TOGARAM2: variants seen among roughly 807,000 people sequenced by gnomAD.
TOGARAM2 encodes the protein TOG array regulator of axonemal microtubules 2.
TOGARAM2 carries 85 observed loss-of-function variants against 93.3 expected under a neutral mutation model. The ratio of observed to expected loss-of-function variants is 0.91; its 90% CI spans 0.76 to 1.09. The LOEUF is 1.09. Ranked by LOEUF, TOGARAM2 falls within the 50% of genes least tolerant of loss-of-function variation. The pLI is 0.00. For synonymous variants in TOGARAM2, 593 were observed against 552.8 expected, an observed-to-expected ratio of 1.07 and a Z score of -1.02; for missense variants, 1,277 against 1,334.5, an observed-to-expected ratio of 0.96 and a Z score of 0.67.
rs537934904 is a variant in TOGARAM2, at chr2:29,017,402, A to T, written c.1195+98A>T. ...GCCCATTTTCTTTTTTAAAATTTTT[A>T]TTAGTATTTATGTATTTATTTAGAG... On this transcript the variant is annotated intron_variant, in intron 9 of 19. Transcript: ENST00000379558. 8.7e-5 allele frequency: 105 copies of T among 1,200,956 alleles called. No homozygotes were observed. The African/African-American group carries it at 1.6e-3, about 18-fold the overall frequency. 74.4% of individuals were successfully genotyped at this position (1,200,956 alleles called of 1,614,324 possible). A position where few individuals can be genotyped will look rare whatever the true frequency, so the allele number is the denominator to read the frequency against.
chr2:29,035,314 T>G, intron 16 of TOGARAM2, 150 bp from the exon 17 acceptor site: 2 of 563,786 alleles, frequency 3.5e-6, no homozygotes, highest in Non-Finnish European at 5.3e-6. Context: ...CAACAAGCTG[T>G]AGGTGGAGGG....
chr2:29,011,865 T>C (rs1210109119), intron 7 of TOGARAM2, among the ~76,000 whole-genome samples: 1 of 152,180 alleles, frequency 6.6e-6, no homozygotes, highest in Admixed American at 6.5e-5. Context: ...CTGAGCCCCA[T>C]CAGGCTTGCA....
intron 14 of TOGARAM2, among the ~76,000 whole-genome samples, chr2:29,027,576 T>C (rs1226007923): frequency 1.3e-5 from 2 of 149,044 alleles, no homozygotes; most frequent in Non-Finnish European, 3.0e-5. Flanking sequence ...CTGGGCAACA[T>C]AGTAAGATCC....
At chr2:28,958,052 T>A (rs944819074) in intron 1 of TOGARAM2, among the ~76,000 whole-genome samples, 1 of 152,168 alleles carries the variant, frequency 6.6e-6, no homozygotes, top group African/African-American at 2.4e-5. Flanking sequence ...GCCAGGGATT[T>A]AAATGATTTT....
At chr2:28,996,504 G>A (rs1413368495) in intron 2 of TOGARAM2, among the ~76,000 whole-genome samples, 2 of 151,968 alleles carry the variant, frequency 1.3e-5, no homozygotes. Context: ...TTGTCTCTCT[G>A]TGCCTGGCTT....
At chr2:28,968,832 A>C (rs1276425786) in intron 1 of TOGARAM2, among the ~76,000 whole-genome samples, 1 of 133,204 alleles carries the variant, frequency 7.5e-6, no homozygotes, top group Non-Finnish European at 1.7e-5. Context: ...AAAAAAAAAA[A>C]AAAAAAAACA....
chr2:29,021,909 G>A (rs999926794), intron 10 of TOGARAM2, among the ~76,000 whole-genome samples: 2 of 152,198 alleles, frequency 1.3e-5, no homozygotes, highest in African/African-American at 2.4e-5. Flanking sequence ...TATAAGAATC[G>A]CATTGGCAAG....
At chr2:29,041,323 C>T (rs2148389281) in intron 18 of TOGARAM2, among the ~76,000 whole-genome samples, 1 of 152,290 alleles carries the variant, frequency 6.6e-6, no homozygotes, top group African/African-American at 2.4e-5. Context: ...TGCGCCCGGC[C>T]TTGAGTCACT....
At chr2:28,972,777 C>G in intron 1 of TOGARAM2, among the ~76,000 whole-genome samples, 1 of 152,062 alleles carries the variant, frequency 6.6e-6, no homozygotes, top group South Asian at 2.1e-4. Context: ...TTCCAGGGTC[C>G]CTGAGCTAGA....
upstream of TOGARAM2, among the ~76,000 whole-genome samples, chr2:28,980,123 C>T (rs1672121164): frequency 6.6e-6 from 1 of 152,224 alleles, no homozygotes; most frequent in African/African-American, 2.4e-5. Flanking sequence ...TGGGCCTCTG[C>T]TACAGGGAGT....
chr2:28,970,186 A>G (rs949977354), intron 1 of TOGARAM2, among the ~76,000 whole-genome samples: 1 of 152,126 alleles, frequency 6.6e-6, no homozygotes, highest in Non-Finnish European at 1.5e-5. Context: ...TATTTTTGAG[A>G]TGAGAAAATG....
At chr2:29,016,100 C>G (rs187664406) in intron 8 of TOGARAM2, among the ~76,000 whole-genome samples, 26 of 152,320 alleles carry the variant, frequency 1.7e-4, no homozygotes, top group African/African-American at 6.0e-4. Flanking sequence ...TGAATGCTCA[C>G]CTCAGAAAAC....
intron 10 of TOGARAM2, 25 bp downstream of exon 10, chr2:29,017,981 C>T (rs577007259): frequency 6.4e-7 from 1 of 1,570,544 alleles, no homozygotes; most frequent in South Asian, 1.2e-5. Context: ...CTGGCAGGCA[C>T]ACGTGTCCCT....
intron 1 of TOGARAM2, among the ~76,000 whole-genome samples, chr2:28,990,501 C>A (rs182235058): frequency 2.6e-5 from 4 of 152,220 alleles, no homozygotes; most frequent in Admixed American, 6.5e-5. Flanking sequence ...CTTGCCAGAC[C>A]CCAGACTCAC....
At chr2:29,041,991 C>T (rs530741560) in intron 18 of TOGARAM2, among the ~76,000 whole-genome samples, 9 of 152,174 alleles carry the variant, frequency 5.9e-5, no homozygotes, top group Non-Finnish European at 1.3e-4. Flanking sequence ...TATGAGAAAG[C>T]TATTAGTATC....
At chr2:28,980,020 G>A (rs754008275), upstream of TOGARAM2, among the ~76,000 whole-genome samples, 1 of 152,196 alleles carries the variant, frequency 6.6e-6, no homozygotes, top group Non-Finnish European at 1.5e-5. Flanking sequence ...AACTTGCCAG[G>A]CCTCTCTTTC....
chr2:28,990,823 C>T (rs1446986), intron 1 of TOGARAM2, among the ~76,000 whole-genome samples: 57,821 of 151,562 alleles, frequency 0.38, 13,475 homozygotes, highest in Non-Finnish European at 0.53. Context: ...TGGAGGGGGT[C>T]GAAGGCAACA....
intron 14 of TOGARAM2, 46 bp downstream of exon 14, chr2:29,027,057 G>C (rs1665431640): frequency 6.6e-7 from 1 of 1,506,540 alleles, no homozygotes. Context: ...CAACCAACCA[G>C]CCAGCCCTGA....
chr2:29,045,406 G>A lies in TOGARAM2; in HGVS notation c.2718G>A (p.Leu906=), dbSNP rs746190235. Residue 906 remains leucine (L), a synonymous_variant, in exon 19 of 20, where the codon CTG becomes CTA. Transcript: ENST00000379558. ...GRAVLDVTDR[L]AVLVASVYPR... is the part of the protein sequence containing the mutation. ...CGGTGCTGGATGTCACAGATCGCCTGGCAGGTGAGCACCCCCAGCCCCACC... is the reference window on the plus strand; with the variant it reads ...CGGTGCTGGATGTCACAGATCGCCTAGCAGGTGAGCACCCCCAGCCCCACC... The A allele has an allele frequency of 3.1e-6, 5 of 1,613,034 alleles. No individual in the cohort carries two copies. The highest frequency in any genetic ancestry group is 4.2e-6 in the Non-Finnish European group (5 of 1,179,848).
Sources: gnomAD v4.1 joint callset for allele counts (sites outside exome capture counted in the v4.1 genomes callset) on GRCh38, gnomAD v4.1.1 for gene constraint, MANE v1.5 for transcripts, NCBI Gene and HGNC (gene_info 2026-07-23, HGNC 2026-07-21) for gene names.